The following UMOD variants were observed in gnomAD, a reference collection of about 807,000 sequenced individuals.
UMOD encodes the protein Tamm-Horsfall urinary glycoprotein.
In UMOD, 64 loss-of-function variants were observed where a neutral mutation model predicts 66.0. The observed-to-expected ratio is 0.97, with a 90% CI of 0.79 to 1.19. The LOEUF (loss-of-function observed/expected upper bound fraction) is 1.19, where lower values mean the gene tolerates loss of function less well. UMOD is among the 50% of genes most tolerant of loss of function. The probability of loss-of-function intolerance (pLI) is 0.00; values close to 1 mark genes in which losing one functional copy is unlikely to be tolerated. For missense variants in UMOD, 764 were observed against 850.9 expected, an observed-to-expected ratio of 0.90 and a Z score of 1.27; for synonymous variants, 398 against 352.7, an observed-to-expected ratio of 1.13 and a Z score of -1.44.
At chr16:20,345,468 T>C (rs1596555502) in intron 5 of UMOD, among the ~76,000 whole-genome samples, 1 of 47,166 alleles carries the variant, frequency 2.1e-5, no homozygotes, top group Admixed American at 1.8e-4. Flanking sequence ...CTTTCCTTCC[T>C]TCCTTCCTTC....
At chr16:20,335,850 G>T (rs1007708160) in intron 9 of UMOD, among the ~76,000 whole-genome samples, 3 of 152,144 alleles carry the variant, frequency 2.0e-5, no homozygotes, top group Non-Finnish European at 2.9e-5. Flanking sequence ...CTCTTGAAAT[G>T]ACCTTTGCAA....
At chr16:20,343,203 G>A (rs544034847) in intron 6 of UMOD, among the ~76,000 whole-genome samples, 1 of 150,398 alleles carries the variant, frequency 6.6e-6, no homozygotes, top group South Asian at 2.1e-4. Context: ...TTCCATCATT[G>A]GCCTGTGATT....
chr16:20,333,298 G>C lies in UMOD; in HGVS notation c.*16C>G. On this transcript the variant is annotated 3_prime_UTR_variant, in exon 11 of 11. Coordinates refer to ENST00000396138, the MANE Select transcript of UMOD (RefSeq NM_003361.4). ...GTGAGATGGCAGCCATGGAGCACAG[G>C]GCTTTCCGCTGTCAGTCACTGAAAA... 6.2e-7 allele frequency: 1 copy of C among 1,611,982 alleles called. No individual in the cohort carries two copies.
Position 20,344,324 on chromosome 16 carries a change from C to T in UMOD, c.1183-152G>A, listed in dbSNP as rs116287468. On this transcript the variant is annotated intron_variant, in intron 5 of 10. Coordinates refer to ENST00000396138, the MANE Select transcript of UMOD (RefSeq NM_003361.4). ...TCCTTGATAAAAAGCTGCCTGTGGC[C>T]GGGCGCATTAGCTCACGCTTGTAAT... is the stretch of plus-strand genomic sequence containing the variant. 1,337 of 780,834 alleles carry T rather than the reference C, an allele frequency of 1.7e-3. 14 individuals carry two copies. In the African/African-American group the frequency reaches 0.02, roughly 12 times the overall value. The allele number at this position is 780,834 out of a possible 1,614,324, so 48.4% of individuals were successfully genotyped here.
chr16:20,344,819 C>A (rs1965452768), intron 5 of UMOD, among the ~76,000 whole-genome samples: 1 of 152,158 alleles, frequency 6.6e-6, no homozygotes. Flanking sequence ...CTGCCACATC[C>A]CTGCTTCCCA....
At chr16:20,348,112 A>G (rs1965683365) in intron 4 of UMOD, 111 bp downstream of exon 4, 4 of 959,338 alleles carry the variant, frequency 4.2e-6, no homozygotes, top group East Asian at 2.4e-5. Flanking sequence ...GGTTGGATAT[A>G]TATCCCCTGC....
upstream of UMOD, among the ~76,000 whole-genome samples, chr16:20,354,788 C>T (rs1174169387): frequency 6.6e-6 from 1 of 152,114 alleles, no homozygotes; most frequent in Non-Finnish European, 1.5e-5. Context: ...ACTGCCCCTC[C>T]CAGGGCTCAA....
intron 7 of UMOD, among the ~76,000 whole-genome samples, chr16:20,338,036 C>T (rs1219915260): frequency 6.6e-6 from 1 of 151,990 alleles, no homozygotes; most frequent in Admixed American, 6.6e-5. Context: ...AACTGGGCAC[C>T]CCCTCTGCCA....
upstream of UMOD, chr16:20,352,743 T>C (rs1186787665): frequency 1.6e-6 from 2 of 1,231,552 alleles, no homozygotes; most frequent in African/African-American, 1.6e-5. Context: ...TACTTATATA[T>C]ACACATTTGC....
At chr16:20,353,970 T>C (rs1965988878), upstream of UMOD, among the ~76,000 whole-genome samples, 1 of 152,166 alleles carries the variant, frequency 6.6e-6, no homozygotes, top group African/African-American at 2.4e-5. Context: ...AGTGCTCTCA[T>C]TGTTCAATTC....
intron 2 of UMOD, chr16:20,349,757 T>C: frequency 6.5e-7 from 1 of 1,544,524 alleles, no homozygotes; most frequent in South Asian, 1.2e-5. Context: ...CTTTGCACAT[T>C]TTATGTTTTC....
chr16:20,336,865 G>A, intron 8 of UMOD, 138 bp from the exon 9 acceptor site: 1 of 727,450 alleles, frequency 1.4e-6, no homozygotes. Context: ...GTATACCGGG[G>A]CTCGTGCAGG....
chr16:20,337,574 T>A, intron 7 of UMOD, 121 bp from the exon 8 acceptor site: 1 of 1,186,942 alleles, frequency 8.4e-7, no homozygotes, highest in Non-Finnish European at 1.2e-6. Flanking sequence ...ACTTATTTAA[T>A]CTCTGTGTAC....
chr16:20,333,430 A>T, intron 10 of UMOD, 55 bp from the exon 11 acceptor site: 2 of 1,536,786 alleles, frequency 1.3e-6, no homozygotes. Context: ...TTTTGTGCAA[A>T]TTAACATAAG....
Position 20,344,187 on chromosome 16 carries a change from G to T in UMOD, c.1183-15C>A, listed in dbSNP as rs775983720. The stretch of plus-strand genomic sequence containing the variant: ...GTTTCATTCCTCTGTTGCAGGGAAT[G>T]GGGGTGGAGGGGGGGTGGGGATGAG... On this transcript the variant is annotated splice_polypyrimidine_tract_variant and intron_variant, in intron 5 of 10. Coordinates refer to ENST00000396138, the MANE Select transcript of UMOD (RefSeq NM_003361.4). 5 of 1,557,894 alleles carry T rather than the reference G, an allele frequency of 3.2e-6. No individual in the cohort carries two copies. The highest frequency in any genetic ancestry group is 1.1e-5 in the South Asian group (1 of 89,984).
intron 6 of UMOD, among the ~76,000 whole-genome samples, chr16:20,341,755 A>G (rs1192184362): frequency 6.6e-6 from 1 of 152,238 alleles, no homozygotes; most frequent in African/African-American, 2.4e-5. Flanking sequence ...TTTGGTCTCA[A>G]TCTAGAACAG....
At chr16:20,345,998 T>C in intron 5 of UMOD, 128 bp downstream of exon 5, 1 of 793,128 alleles carries the variant, frequency 1.3e-6, no homozygotes, top group Non-Finnish European at 2.0e-6. Context: ...TTCTCCACTT[T>C]ACAGTTGATG....
chr16:20,355,368 G>A (rs11645680), upstream of UMOD, among the ~76,000 whole-genome samples: 1,488 of 150,602 alleles, frequency 9.9e-3, 22 homozygotes, highest in African/African-American at 0.035. Context: ...TCAGCACTTC[G>A]CTCTTGAAAC....
At chr16:20,336,213 A>G (rs1964858534) in intron 9 of UMOD, among the ~76,000 whole-genome samples, 1 of 152,184 alleles carries the variant, frequency 6.6e-6, no homozygotes, top group Non-Finnish European at 1.5e-5. Context: ...GATCCTACAC[A>G]TCTACAGGGG....
Sources: allele counts gnomAD v4.1 joint callset (sites outside exome capture counted in the v4.1 genomes callset), GRCh38; gene constraint gnomAD v4.1.1; transcripts MANE v1.5; gene names NCBI Gene and HGNC (gene_info 2026-07-23, HGNC 2026-07-21).